APOO: variants seen among roughly 807,000 people sequenced by gnomAD.
The protein encoded by APOO is MICOS complex subunit MIC26.
A neutral mutation model predicts 23.1 loss-of-function variants in APOO; 11 were observed. The observed-to-expected ratio is 0.48, with a 90% CI of 0.30 to 0.79. APOO has a LOEUF of 0.79. Ranked by LOEUF, APOO falls within the 30% of genes least tolerant of loss-of-function variation. The pLI, the probability that APOO is intolerant of heterozygous loss-of-function variation, is 0.07. For missense variants in APOO, 160 were observed against 142.7 expected (o/e 1.12, Z -0.62); for synonymous variants, 59 against 54.8 (o/e 1.08, Z -0.34).
chrX:23,840,991 G>A (rs772733540), intron 7 of APOO, among the ~76,000 whole-genome samples: 9 of 111,957 alleles, frequency 8.0e-5, no homozygotes, highest in Non-Finnish European at 1.5e-4. Flanking sequence ...AAAAGTTCAC[G>A]TGCTAAACTT....
Position 23,879,023 on chromosome X carries a change from G to A in APOO, c.129C>T (p.Tyr43=), listed in dbSNP as rs566251924. ...NSVKVDELSL[Y]SVPEGQSKYV... is the part of the protein sequence containing the mutation. ...ACTTCGATTGACCCTCAGGAACTGA[G>A]TAGAGTGAAAGCTGCGCACATTAAA... Residue 43 remains tyrosine (Y), a synonymous_variant, in exon 3 of 9, where the codon TAC becomes TAT. Coordinates refer to ENST00000379226, the MANE Select transcript of APOO (RefSeq NM_024122.5). 1.1e-4 allele frequency: 136 copies of A among 1,209,062 alleles called. No individual in the cohort carries two copies. In the South Asian group the frequency reaches 2.3e-3, roughly 20 times the overall value.
chrX:23,845,425 T>C lies in APOO; in HGVS notation c.562-5048A>G, dbSNP rs1363004351. The stretch of plus-strand genomic sequence containing the variant: ...GTGTACAATACGGTACTGTTATCTA[T>C]AGGCACAGTGTTGTGCAAGGGGTCT... On this transcript the variant is annotated intron_variant, in intron 7 of 8. Coordinates refer to ENST00000379226, the MANE Select transcript of APOO (RefSeq NM_024122.5). Among the ~76,000 whole-genome samples, 4 of 111,894 alleles carry C rather than the reference T, an allele frequency of 3.6e-5. No individual in the cohort carries two copies. The East Asian group carries it at 1.1e-3, about 31-fold the overall frequency.
At position 23,907,815 on chromosome X, in the gene APOO, A is replaced by T. The variant is rs1308413877; in HGVS notation, c.-113T>A. ...TTGATTTCTCCAACCGCAAGCAGGC[A>T]GCGGTGCGGGTGACGGCCGTACTGC... On this transcript the variant is annotated 5_prime_UTR_variant, in exon 1 of 9. Transcript: ENST00000379226. 30 of 918,235 alleles carry T rather than the reference A, an allele frequency of 3.3e-5. No homozygotes were observed. The highest frequency in any genetic ancestry group is 4.0e-5 in the Non-Finnish European group (27 of 680,283). 75.7% of individuals were successfully genotyped at this position (918,235 alleles called of 1,213,427 possible).
chrX:23,857,099 G>A (rs778876728), intron 6 of APOO, among the ~76,000 whole-genome samples: 5 of 110,811 alleles, frequency 4.5e-5, no homozygotes, highest in Non-Finnish European at 9.4e-5. Context: ...GGTGGAGGGT[G>A]AGAAGAGGGC....
intron 1 of APOO, among the ~76,000 whole-genome samples, chrX:23,882,190 A>G (rs1275541375): frequency 2.7e-5 from 3 of 111,797 alleles, no homozygotes; most frequent in African/African-American, 9.8e-5. Context: ...TGCACACTTA[A>G]TACTTCAAGA....
At chrX:23,861,473 C>T (rs372712092) in intron 5 of APOO, among the ~76,000 whole-genome samples, 1 of 106,706 alleles carries the variant, frequency 9.4e-6, no homozygotes, top group Admixed American at 1.0e-4. Flanking sequence ...CCAACTAAAC[C>T]TCTTTTCTTT....
chrX:23,838,378 G>GAA (rs1274009900), intron 8 of APOO, among the ~76,000 whole-genome samples: 1 of 71,822 alleles, frequency 1.4e-5, no homozygotes, highest in East Asian at 5.4e-4. Context: ...AAAAAAAAAA[G>GAA]AAAGAAAGAA....
intron 5 of APOO, among the ~76,000 whole-genome samples, chrX:23,860,747 C>A (rs1337598309): frequency 9.4e-6 from 1 of 105,937 alleles, no homozygotes; most frequent in Non-Finnish European, 2.0e-5. Context: ...GTCTTGAACT[C>A]CTGAGCTCAA....
At chrX:23,885,387 T>C (rs112796940) in intron 1 of APOO, among the ~76,000 whole-genome samples, 5 of 105,374 alleles carry the variant, frequency 4.7e-5, no homozygotes, top group Admixed American at 2.1e-4. Context: ...CAAATATATA[T>C]ATTATATATA....
At chrX:23,866,388 A>C (rs774619661) in intron 5 of APOO, among the ~76,000 whole-genome samples, 1 of 112,314 alleles carries the variant, frequency 8.9e-6, no homozygotes, top group African/African-American at 3.2e-5. Context: ...ATGAGATGGG[A>C]GGAGGGCACA....
At position 23,844,512 on chromosome X, in the gene APOO, G is replaced by A. The variant is rs749739351; in HGVS notation, c.562-4135C>T. Among the ~76,000 whole-genome samples, 3 of 111,286 alleles carry A rather than the reference G, an allele frequency of 2.7e-5. No homozygotes were observed. In the South Asian group the frequency reaches 1.1e-3, roughly 43 times the overall value. ...GGGAGGCAGAAGAAGAGGTCAGAAGGGGGATCTGCAAACGACTTGCTGCAG... is the reference window on the plus strand; with the variant it reads ...GGGAGGCAGAAGAAGAGGTCAGAAGAGGGATCTGCAAACGACTTGCTGCAG... On this transcript the variant is annotated intron_variant, in intron 7 of 8. Coordinates refer to ENST00000379226, the MANE Select transcript of APOO (RefSeq NM_024122.5).
At chrX:23,866,159 T>C (rs1186797421) in intron 5 of APOO, among the ~76,000 whole-genome samples, 2 of 111,110 alleles carry the variant, frequency 1.8e-5, no homozygotes, top group African/African-American at 6.6e-5. Context: ...AGGGGGAAGC[T>C]CCTCTCACTC....
At chrX:23,906,678 A>G (rs1183524562) in intron 1 of APOO, among the ~76,000 whole-genome samples, 1 of 112,449 alleles carries the variant, frequency 8.9e-6, no homozygotes, top group Admixed American at 9.4e-5. Flanking sequence ...ACAGAGTAAG[A>G]GCAAATACTA....
intron 1 of APOO, among the ~76,000 whole-genome samples, chrX:23,906,158 G>A (rs1161670131): frequency 2.7e-5 from 3 of 112,473 alleles, no homozygotes; most frequent in African/African-American, 9.7e-5. Context: ...CACATGGAGG[G>A]GCACCAAGCC....
chrX:23,888,474 G>A (rs1306807249), intron 1 of APOO, among the ~76,000 whole-genome samples: 2 of 111,625 alleles, frequency 1.8e-5, no homozygotes, highest in Admixed American at 9.6e-5. Flanking sequence ...AGCAGACAAG[G>A]TCCCTGCTCT....
chrX:23,897,609 CA>C (rs1926955021), intron 1 of APOO, among the ~76,000 whole-genome samples: 2 of 111,876 alleles, frequency 1.8e-5, no homozygotes, highest in African/African-American at 6.5e-5. Context: ...ACATTTACTT[CA>C]AGTTTAGCTT....
At chrX:23,885,546 C>A (rs1237930580) in intron 1 of APOO, among the ~76,000 whole-genome samples, 1 of 109,033 alleles carries the variant, frequency 9.2e-6, no homozygotes, top group African/African-American at 3.3e-5. Flanking sequence ...CAGGTGTGAG[C>A]CAACACACTC....
chrX:23,889,764 GCC>G (rs1926553810), intron 1 of APOO, among the ~76,000 whole-genome samples: 3 of 105,069 alleles, frequency 2.9e-5, no homozygotes, highest in Non-Finnish European at 3.9e-5. Flanking sequence ...CTGGGTTCAT[GCC>G]ATTCTCCTGC....
At chrX:23,849,991 A>G (rs753109959) in intron 7 of APOO, among the ~76,000 whole-genome samples, 1 of 112,062 alleles carries the variant, frequency 8.9e-6, no homozygotes, top group South Asian at 3.7e-4. Context: ...ACATTTGTGT[A>G]AATAATGAAA....
Sources: gnomAD v4.1 joint callset for allele counts (sites outside exome capture counted in the v4.1 genomes callset) on GRCh38, gnomAD v4.1.1 for gene constraint, MANE v1.5 for transcripts, NCBI Gene and HGNC (gene_info 2026-07-23, HGNC 2026-07-21) for gene names.